Variants in WWTR1 observed in about 807,000 individuals in gnomAD.
The protein encoded by WWTR1 is WW domain-containing transcription regulator protein 1.
WWTR1 carries 13 observed loss-of-function variants against 40.1 expected under a neutral mutation model. The ratio of observed to expected loss-of-function variants is 0.32; its 90% confidence interval spans 0.21 to 0.52. WWTR1 has a LOEUF of 0.52. Ranked by LOEUF, WWTR1 falls within the 20% of genes least tolerant of loss-of-function variation. The pLI is 0.97. For synonymous variants in WWTR1, 230 were observed against 210.1 expected, an observed-to-expected ratio of 1.09 and a Z score of -0.82; for missense variants, 436 against 523.1, an observed-to-expected ratio of 0.83 and a Z score of 1.63.
intron 2 of WWTR1, among the ~76,000 whole-genome samples, chr3:149,620,178 T>C (rs1740201760): frequency 1.3e-5 from 2 of 152,154 alleles, no homozygotes; most frequent in African/African-American, 4.8e-5. Flanking sequence ...GAATCCATAT[T>C]CTTAACCACT....
chr3:149,721,824 G>C (rs1239665309), intron 4 of WWTR1, among the ~76,000 whole-genome samples: 3 of 152,166 alleles, frequency 2.0e-5, no homozygotes, highest in African/African-American at 7.2e-5. Flanking sequence ...GCAGCTTCCT[G>C]AGTAGGTGAG....
chr3:149,623,299 G>A (rs1315138344), intron 2 of WWTR1, among the ~76,000 whole-genome samples: 3 of 152,200 alleles, frequency 2.0e-5, no homozygotes, highest in African/African-American at 7.2e-5. Flanking sequence ...GGAAGTGGAG[G>A]TTGCAGTGAG....
At chr3:149,619,030 A>T (rs1036171482) in intron 2 of WWTR1, among the ~76,000 whole-genome samples, 29 of 152,204 alleles carry the variant, frequency 1.9e-4, no homozygotes, top group African/African-American at 5.5e-4. Context: ...TTCTGTCATG[A>T]CCTTATCCTG....
intron 4 of WWTR1, among the ~76,000 whole-genome samples, chr3:149,530,492 T>C (rs548204844): frequency 6.6e-6 from 1 of 151,856 alleles, no homozygotes; most frequent in Admixed American, 6.6e-5. Context: ...TAATAATATA[T>C]AAAATTATAA....
chr3:149,592,107 C>G (rs976558702), intron 2 of WWTR1, among the ~76,000 whole-genome samples: 5 of 152,122 alleles, frequency 3.3e-5, no homozygotes, highest in African/African-American at 1.2e-4. Context: ...AGAAGATAAT[C>G]CCCCTCACCC....
At chr3:149,614,406 G>C (rs1739874222) in intron 2 of WWTR1, among the ~76,000 whole-genome samples, 1 of 152,130 alleles carries the variant, frequency 6.6e-6, no homozygotes, top group African/African-American at 2.4e-5. Flanking sequence ...TGTAGCTTAG[G>C]AGCAATAGGC....
chr3:149,599,172 G>A (rs1441939998), intron 2 of WWTR1, among the ~76,000 whole-genome samples: 2 of 152,206 alleles, frequency 1.3e-5, no homozygotes, highest in African/African-American at 4.8e-5. Flanking sequence ...TGAATAGCTG[G>A]ATATTGGAAG....
chr3:149,586,658 G>A (rs1012166415), intron 2 of WWTR1, among the ~76,000 whole-genome samples: 1 of 151,772 alleles, frequency 6.6e-6, no homozygotes, highest in African/African-American at 2.4e-5. Flanking sequence ...TGAGGTGACT[G>A]TTGGTGGGCT....
intron 4 of WWTR1, among the ~76,000 whole-genome samples, chr3:149,718,612 A>T (rs186783031): frequency 6.6e-6 from 1 of 152,312 alleles, no homozygotes; most frequent in East Asian, 1.9e-4. Flanking sequence ...TTGAAACTCT[A>T]TGCCCGTTAA....
chr3:149,704,848 T>TA (rs78568310), upstream of WWTR1, among the ~76,000 whole-genome samples: 2,923 of 122,802 alleles, frequency 0.024, 44 homozygotes, highest in East Asian at 0.077. Context: ...ACACAAAAGT[T>TA]AAAAAAAAAA....
At chr3:149,652,300 A>G (rs572202097) in intron 2 of WWTR1, among the ~76,000 whole-genome samples, 138 of 152,012 alleles carry the variant, frequency 9.1e-4, no homozygotes, top group African/African-American at 3.1e-3. Context: ...CATTACTGAC[A>G]TACAGCATAA....
rs139956962 is a variant in WWTR1, at chr3:149,572,211, G to A, written c.568+653C>T. 6.7e-3 allele frequency among the ~76,000 whole-genome samples: 1,019 copies of A among 152,116 alleles called. 3 individuals are homozygous for A. Among genetic ancestry groups the A allele is most frequent in the Non-Finnish European group, 0.011 (754 of 67,988 alleles). On this transcript the variant is annotated intron_variant, in intron 3 of 6. Coordinates refer to ENST00000360632, the MANE Select transcript of WWTR1 (RefSeq NM_015472.6). ...TAAACTGGAGAGCCTGCTACTTTTT[G>A]CAGGGGTTTTGGAAGGCTTTCATAA...
chr3:149,590,405 T>A (rs1225073900), intron 2 of WWTR1, among the ~76,000 whole-genome samples: 1 of 152,098 alleles, frequency 6.6e-6, no homozygotes, highest in Non-Finnish European at 1.5e-5. Flanking sequence ...ATCCCAGCAC[T>A]TTGGGAGGCC....
At position 149,560,797 on chromosome 3, in the gene WWTR1, C is replaced by T. The variant is rs1392235950; in HGVS notation, c.568+12067G>A. ...TATGGAATGAAATGCATGACATGTA[C>T]TGGGAAGCAAAATAACTTCCAACGA... On this transcript the variant is annotated intron_variant, in intron 3 of 6. Transcript: ENST00000360632. 5.3e-5 allele frequency among the ~76,000 whole-genome samples: 8 copies of T among 152,118 alleles called. No homozygotes were observed. The South Asian group carries it at 1.0e-3, about 20-fold the overall frequency.
intron 1 of WWTR1, among the ~76,000 whole-genome samples, chr3:149,692,448 C>T (rs1450451260): frequency 1.3e-5 from 2 of 152,054 alleles, no homozygotes; most frequent in Non-Finnish European, 2.9e-5. Flanking sequence ...AATTCAATAT[C>T]CCTTCATGAT....
intron 2 of WWTR1, among the ~76,000 whole-genome samples, chr3:149,576,915 T>C (rs1231737451): frequency 6.6e-6 from 1 of 152,202 alleles, no homozygotes; most frequent in Non-Finnish European, 1.5e-5. Flanking sequence ...AGCAGCACTT[T>C]GGGAGGCCGA....
chr3:149,698,328 C>T (rs1715059686), intron 1 of WWTR1, among the ~76,000 whole-genome samples: 1 of 152,216 alleles, frequency 6.6e-6, no homozygotes, highest in Non-Finnish European at 1.5e-5. Context: ...GGGGCTTCCT[C>T]CTTCACTTGG....
intron 4 of WWTR1, among the ~76,000 whole-genome samples, chr3:149,536,575 T>C (rs2107926538): frequency 6.6e-6 from 1 of 151,590 alleles, no homozygotes; most frequent in East Asian, 1.9e-4. Context: ...CTGTGCGAGG[T>C]CAGCCAGCTG....
chr3:149,639,194 TA>T (rs1439827294), intron 2 of WWTR1, among the ~76,000 whole-genome samples: 1 of 152,216 alleles, frequency 6.6e-6, no homozygotes, highest in Non-Finnish European at 1.5e-5. Flanking sequence ...AGACTAAGAC[TA>T]AAATTATCTT....
Sources: gnomAD v4.1 joint callset for allele counts (sites outside exome capture counted in the v4.1 genomes callset) on GRCh38, gnomAD v4.1.1 for gene constraint, MANE v1.5 for transcripts, NCBI Gene and HGNC (gene_info 2026-07-23, HGNC 2026-07-21) for gene names.